Variants in CACNA1E observed in about 807,000 individuals in gnomAD.
CACNA1E encodes the protein voltage-dependent R-type calcium channel subunit alpha-1E.
In CACNA1E, 40 loss-of-function variants were observed where a neutral mutation model predicts 259.2. The ratio of observed to expected loss-of-function variants is 0.15; its 90% confidence interval spans 0.12 to 0.20. The LOEUF (loss-of-function observed/expected upper bound fraction) is 0.20, where lower values mean the gene tolerates loss of function less well. Among genes scored for constraint, CACNA1E ranks in the 10% least tolerant of loss-of-function variants. The pLI, the probability that CACNA1E is intolerant of heterozygous loss-of-function variation, is 1.00. For missense variants in CACNA1E, 1,874 were observed against 3,040.1 expected, an observed-to-expected ratio of 0.62 and a Z score of 9.02; for synonymous variants, 1,104 against 1,138.5, an observed-to-expected ratio of 0.97 and a Z score of 0.61.
rs1482601267 is a variant in CACNA1E, at chr1:181,758,523, A to T, written c.4495-235A>T. 6.6e-6 allele frequency among the ~76,000 whole-genome samples: 1 copy of T among 152,170 alleles called. No homozygotes were observed. On this transcript the variant is annotated intron_variant, in intron 31 of 47. Coordinates refer to ENST00000367573, the MANE Select transcript of CACNA1E (RefSeq NM_001205293.3). This position sits in a 1 kb window ranked among gnomAD's most constrained non-coding sequence, Gnocchi z 4.2. ...TTCCCTGCCCACCCTCATCTCTAGG[A>T]AGACTGGCTGTTTTGCTATTAAGTC...
chr1:181,657,312 T>C (rs1659286508), intron 7 of CACNA1E, among the ~76,000 whole-genome samples: 1 of 152,140 alleles, frequency 6.6e-6, no homozygotes, highest in African/African-American at 2.4e-5. Context: ...AGTCAAAGAC[T>C]GAAATCTTAG....
intron 1 of CACNA1E, among the ~76,000 whole-genome samples, chr1:181,499,694 T>G (rs2102556604): frequency 6.6e-6 from 1 of 152,338 alleles, no homozygotes; most frequent in South Asian, 2.1e-4. Context: ...CTAGAAATGC[T>G]GATACCTAGA....
At chr1:181,696,043 G>A (rs530498891) in intron 7 of CACNA1E, among the ~76,000 whole-genome samples, 16 of 152,084 alleles carry the variant, frequency 1.1e-4, no homozygotes, top group East Asian at 3.8e-4. Flanking sequence ...GAATTCAGGC[G>A]AGACAAATGT....
At chr1:181,319,478 T>C (rs540336884) in intron 1 of CACNA1E, among the ~76,000 whole-genome samples, 2 of 152,304 alleles carry the variant, frequency 1.3e-5, no homozygotes, top group South Asian at 4.1e-4. Context: ...AATACGTGGG[T>C]CTTGTAGGAT....
Position 181,720,866 on chromosome 1 carries a change from A to C in CACNA1E, c.1956+11A>C, listed in dbSNP as rs745623048. 6 of 1,594,014 alleles carry C rather than the reference A, an allele frequency of 3.8e-6. No homozygotes were observed. The South Asian group carries it at 6.7e-5, about 18-fold the overall frequency. The stretch of plus-strand genomic sequence containing the variant: ...ATGACTGTGTTCCAGGTATGAGGCC[A>C]GCTGACGGTTCACAAGTGCTGCATG... On this transcript the variant is annotated intron_variant, in intron 15 of 47. Transcript: ENST00000367573.
At chr1:181,499,609 T>C (rs1169000148) in intron 1 of CACNA1E, among the ~76,000 whole-genome samples, 1 of 152,184 alleles carries the variant, frequency 6.6e-6, no homozygotes, top group Non-Finnish European at 1.5e-5. Flanking sequence ...TTTCAGCTGA[T>C]TGGAGGACAC....
At chr1:181,437,170 C>T (rs907673018) in intron 2 of CACNA1E, among the ~76,000 whole-genome samples, 6 of 151,968 alleles carry the variant, frequency 3.9e-5, no homozygotes, top group African/African-American at 1.4e-4. Context: ...GCAACACCCT[C>T]TTATTGCCAC....
At chr1:181,527,618 A>G (rs1205602922) in intron 3 of CACNA1E, among the ~76,000 whole-genome samples, 2 of 152,220 alleles carry the variant, frequency 1.3e-5, no homozygotes, top group Non-Finnish European at 2.9e-5. Flanking sequence ...TGGCTGATAT[A>G]TATGGTCTTC....
chr1:181,499,667 A>C (rs1665074266), intron 1 of CACNA1E, among the ~76,000 whole-genome samples: 1 of 152,232 alleles, frequency 6.6e-6, no homozygotes, highest in Admixed American at 6.5e-5. Flanking sequence ...TGCACATTAG[A>C]ATAAGCCTGG....
At chr1:181,762,736 A>C in intron 33 of CACNA1E, 79 bp downstream of exon 33, 1 of 819,468 alleles carries the variant, frequency 1.2e-6, no homozygotes, top group Non-Finnish European at 2.0e-6. Context: ...TATTCAGTCC[A>C]TTTTTAACCC....
intron 1 of CACNA1E, among the ~76,000 whole-genome samples, chr1:181,391,127 A>G (rs990731646): frequency 9.2e-5 from 14 of 152,264 alleles, no homozygotes; most frequent in African/African-American, 2.4e-4. Context: ...CTCTTTATTC[A>G]TTGCCACCAC....
At chr1:181,790,890 C>T (rs560524665) in intron 44 of CACNA1E, among the ~76,000 whole-genome samples, 5 of 152,210 alleles carry the variant, frequency 3.3e-5, no homozygotes, top group Non-Finnish European at 7.3e-5. Context: ...CTTGAAGATG[C>T]ATCACCAGAG....
intron 1 of CACNA1E, among the ~76,000 whole-genome samples, chr1:181,322,926 G>A (rs1650475479): frequency 6.6e-6 from 1 of 152,230 alleles, no homozygotes; most frequent in South Asian, 2.1e-4. Flanking sequence ...CAGGATGAAG[G>A]TGTGATGCTG....
chr1:181,738,677 A>C (rs1479000001), intron 24 of CACNA1E, among the ~76,000 whole-genome samples: 1 of 152,188 alleles, frequency 6.6e-6, no homozygotes, highest in Admixed American at 6.5e-5. Flanking sequence ...ACAGATGTGC[A>C]GACAGGGTTG....
At chr1:181,532,878 C>G (rs990827114) in intron 3 of CACNA1E, among the ~76,000 whole-genome samples, 1 of 152,218 alleles carries the variant, frequency 6.6e-6, no homozygotes, top group Non-Finnish European at 1.5e-5. Flanking sequence ...ATGGAGAACA[C>G]CTGGTTACCA....
intron 1 of CACNA1E, among the ~76,000 whole-genome samples, chr1:181,327,108 A>T (rs552370111): frequency 6.4e-4 from 98 of 152,230 alleles, no homozygotes; most frequent in Non-Finnish European, 1.1e-3. Flanking sequence ...GATGGCGAGG[A>T]TTGTGTCTTT....
chr1:181,659,358 T>C (rs1647369253), intron 7 of CACNA1E, among the ~76,000 whole-genome samples: 1 of 152,154 alleles, frequency 6.6e-6, no homozygotes, highest in South Asian at 2.1e-4. Flanking sequence ...GATGGAAGCA[T>C]TGTAGCATTT....
Position 181,801,622 on chromosome 1 carries a change from T to C in CACNA1E, c.*2788T>C, listed in dbSNP as rs1662283537. 6.6e-6 allele frequency: 1 copy of C among 152,206 alleles called. No homozygotes were observed. The highest frequency in any genetic ancestry group is 2.1e-4 in the South Asian group (1 of 4,822). The allele number at this position is 152,206 out of a possible 1,614,324, so 9.4% of individuals were successfully genotyped here. ...GTGTTCTGCTGCCTCTGAACAAAAGTGAATGCCAGCCTTCCCTTGCTGGGT... is the reference window on the plus strand; with the variant it reads ...GTGTTCTGCTGCCTCTGAACAAAAGCGAATGCCAGCCTTCCCTTGCTGGGT... On this transcript the variant is annotated 3_prime_UTR_variant, in exon 48 of 48. Coordinates refer to ENST00000367573, the MANE Select transcript of CACNA1E (RefSeq NM_001205293.3).
At chr1:181,685,696 G>A (rs970880466) in intron 7 of CACNA1E, among the ~76,000 whole-genome samples, 3 of 152,070 alleles carry the variant, frequency 2.0e-5, no homozygotes, top group Non-Finnish European at 4.4e-5. Context: ...GTTAATTTTG[G>A]TGGGGAAAGC....
Sources: allele counts gnomAD v4.1 joint callset (sites outside exome capture counted in the v4.1 genomes callset), GRCh38; gene constraint gnomAD v4.1.1; non-coding constraint Gnocchi (gnomAD v3.1); transcripts MANE v1.5; gene names NCBI Gene and HGNC (gene_info 2026-07-23, HGNC 2026-07-21).